SLC30A8: variants seen among roughly 807,000 people sequenced by gnomAD.
The protein encoded by SLC30A8 is solute carrier family 30 member 8.
Under a neutral mutation model 36.9 loss-of-function variants are expected in SLC30A8, and 27 were observed. The observed-to-expected ratio is 0.73, with a 90% CI of 0.54 to 1.01. SLC30A8 has a LOEUF of 1.01. Among genes scored for constraint, SLC30A8 ranks in the 50% least tolerant of loss-of-function variants. The pLI is 0.00. For missense variants in SLC30A8, 439 were observed against 452.0 expected, an observed-to-expected ratio of 0.97 and a Z score of 0.26; for synonymous variants, 164 against 172.4, an observed-to-expected ratio of 0.95 and a Z score of 0.38.
Position 117,176,172 on chromosome 8 carries a change from T to G in SLC30A8, c.*3491T>G, listed in dbSNP as rs1017909219. ...GCAAATTTGGATCACTTACTTAATA[T>G]CTGTTAAATTTTGTGACCCAACAAA... On this transcript the variant is annotated 3_prime_UTR_variant, in exon 8 of 8. Transcript: ENST00000456015. 6.6e-6 allele frequency: 1 copy of G among 152,282 alleles called. No homozygotes were observed. Among genetic ancestry groups the G allele is most frequent in the East Asian group, 1.9e-4 (1 of 5,164 alleles). 9.4% of individuals were successfully genotyped at this position (152,282 alleles called of 1,614,324 possible).
At chr8:117,073,489 ATC>A (rs1818395286) in intron 2 of SLC30A8, among the ~76,000 whole-genome samples, 1 of 152,026 alleles carries the variant, frequency 6.6e-6, no homozygotes, top group Non-Finnish European at 1.5e-5. Flanking sequence ...TGAACTCCTG[ATC>A]TGAAGTGATC....
intron 3 of SLC30A8, among the ~76,000 whole-genome samples, chr8:117,155,622 G>C (rs1280531514): frequency 5.9e-5 from 9 of 152,122 alleles, no homozygotes; most frequent in African/African-American, 1.9e-4. Context: ...CTATGAATGA[G>C]GTCGGGGAAA....
intron 3 of SLC30A8, among the ~76,000 whole-genome samples, chr8:117,155,144 A>G (rs1277770384): frequency 6.6e-6 from 1 of 152,150 alleles, no homozygotes; most frequent in Non-Finnish European, 1.5e-5. Context: ...TTAAGCAATC[A>G]TTGTAACATT....
chr8:117,138,384 C>G (rs1385006745), intron 1 of SLC30A8, among the ~76,000 whole-genome samples: 1 of 152,026 alleles, frequency 6.6e-6, no homozygotes, highest in Non-Finnish European at 1.5e-5. Context: ...AAGTGAGCGT[C>G]TATGGCATTT....
chr8:116,976,852 C>A (rs13250326), intron 1 of SLC30A8, among the ~76,000 whole-genome samples: 1 of 140,046 alleles, frequency 7.1e-6, no homozygotes, highest in African/African-American at 2.9e-5. Flanking sequence ...GAGTCTCTCT[C>A]TGTTGCCAGG....
chr8:117,093,473 C>T (rs1305645716), intron 2 of SLC30A8, among the ~76,000 whole-genome samples: 2 of 151,992 alleles, frequency 1.3e-5, no homozygotes, highest in East Asian at 3.9e-4. Context: ...GGTCCTGAGC[C>T]CCCTGCCACT....
chr8:117,034,309 C>G (rs901515948), intron 1 of SLC30A8, among the ~76,000 whole-genome samples: 1 of 152,154 alleles, frequency 6.6e-6, no homozygotes, highest in African/African-American at 2.4e-5. Context: ...TGGAAATCAT[C>G]AGTTTCCAAT....
At chr8:117,113,618 C>T (rs1820324470) in intron 2 of SLC30A8, among the ~76,000 whole-genome samples, 1 of 152,154 alleles carries the variant, frequency 6.6e-6, no homozygotes, top group South Asian at 2.1e-4. Flanking sequence ...ATTCTTATCT[C>T]TACCATTCAG....
chr8:117,149,503 A>T (rs991585814), intron 2 of SLC30A8, among the ~76,000 whole-genome samples: 1 of 152,210 alleles, frequency 6.6e-6, no homozygotes, highest in African/African-American at 2.4e-5. Context: ...AACACTTTGA[A>T]TATTAAACAC....
At chr8:117,126,972 G>A (rs573375851) in intron 2 of SLC30A8, among the ~76,000 whole-genome samples, 2 of 151,912 alleles carry the variant, frequency 1.3e-5, no homozygotes, top group East Asian at 1.9e-4. Context: ...ATCTAATAGC[G>A]CCATTTCCAG....
intron 2 of SLC30A8, among the ~76,000 whole-genome samples, chr8:117,120,611 A>C (rs1460537560): frequency 6.6e-6 from 1 of 151,920 alleles, no homozygotes; most frequent in Admixed American, 6.6e-5. Context: ...TAGTGGGACT[A>C]CATCAAATTA....
intron 1 of SLC30A8, among the ~76,000 whole-genome samples, chr8:116,994,984 C>CT (rs916493231): frequency 6.6e-6 from 1 of 152,042 alleles, no homozygotes; most frequent in African/African-American, 2.4e-5. Flanking sequence ...CTCAATTTCC[C>CT]TTTTTTCACT....
chr8:116,987,886 A>G (rs1380084658), intron 1 of SLC30A8, among the ~76,000 whole-genome samples: 4 of 152,110 alleles, frequency 2.6e-5, no homozygotes, highest in Non-Finnish European at 2.9e-5. Context: ...TTTAGTAGAG[A>G]TGGGGTTTTA....
chr8:117,069,933 T>C (rs1158933366), intron 2 of SLC30A8, among the ~76,000 whole-genome samples: 2 of 152,230 alleles, frequency 1.3e-5, no homozygotes, highest in Non-Finnish European at 2.9e-5. Context: ...ACATATAATT[T>C]GACTTTATTA....
intron 7 of SLC30A8, among the ~76,000 whole-genome samples, chr8:117,171,847 CAAG>C (rs1216606820): frequency 6.6e-6 from 1 of 152,084 alleles, no homozygotes; most frequent in Non-Finnish European, 1.5e-5. Flanking sequence ...AAAAATGACT[CAAG>C]GAGTTACTTA....
intron 2 of SLC30A8, among the ~76,000 whole-genome samples, chr8:117,120,704 A>G (rs1402684960): frequency 2.0e-5 from 3 of 151,844 alleles, no homozygotes; most frequent in Non-Finnish European, 2.9e-5. Context: ...TGCAAACCAT[A>G]TATCTGATAT....
intron 2 of SLC30A8, among the ~76,000 whole-genome samples, chr8:117,059,049 A>T (rs931561787): frequency 2.6e-5 from 4 of 152,238 alleles, no homozygotes; most frequent in Non-Finnish European, 5.9e-5. Context: ...GCAGAACATT[A>T]TAAAGTTGGG....
Position 117,023,248 on chromosome 8 carries a change from G to T in SLC30A8, c.-265-15971G>T, listed in dbSNP as rs1371247709. ...AGGTGCTGGAGAGGATGTGGAGAAA[G>T]AGGAACACTTTTACACTGTTGGTGG... On this transcript the variant is annotated intron_variant, in intron 1 of 10. Coordinates refer to the SLC30A8 transcript ENST00000427715. Among the ~76,000 whole-genome samples, 644 of 151,884 alleles carry T rather than the reference G, an allele frequency of 4.2e-3. 2 individuals carry two copies. Among genetic ancestry groups the T allele is most frequent in the African/African-American group, 0.014 (569 of 41,432 alleles).
intron 6 of SLC30A8, among the ~76,000 whole-genome samples, chr8:117,166,977 A>G (rs1823090354): frequency 6.6e-6 from 1 of 151,846 alleles, no homozygotes; most frequent in Non-Finnish European, 1.5e-5. Flanking sequence ...TCACAGAGTA[A>G]TAGTGAATTT....
Sources: allele counts gnomAD v4.1 joint callset (sites outside exome capture counted in the v4.1 genomes callset), GRCh38; gene constraint gnomAD v4.1.1; transcripts MANE v1.5; gene names NCBI Gene and HGNC (gene_info 2026-07-23, HGNC 2026-07-21).